EXOC5: variants seen among roughly 807,000 people sequenced by gnomAD.
The protein encoded by EXOC5 is exocyst complex component 5.
In EXOC5, 17 loss-of-function variants were observed where a neutral mutation model predicts 90.8. That is an observed-to-expected ratio of 0.19 (90% CI 0.13 to 0.28). The LOEUF (loss-of-function observed/expected upper bound fraction) is 0.28. EXOC5 is among the 10% of genes least tolerant of loss of function. The pLI, the probability that EXOC5 is intolerant of heterozygous loss-of-function variation, is 1.00. For missense variants in EXOC5, 569 were observed against 830.6 expected (o/e 0.69, Z 3.87); for synonymous variants, 260 against 270.0 (o/e 0.96, Z 0.36).
chr14:57,212,654 A>G (rs1178730058), intron 15 of EXOC5, among the ~76,000 whole-genome samples: 1 of 152,224 alleles, frequency 6.6e-6, no homozygotes, highest in Non-Finnish European at 1.5e-5. Context: ...TTCATCAGCA[A>G]CAACCCTGGC....
At chr14:57,212,580 T>C (rs993140522) in intron 15 of EXOC5, among the ~76,000 whole-genome samples, 5 of 152,216 alleles carry the variant, frequency 3.3e-5, no homozygotes, top group Non-Finnish European at 7.3e-5. Context: ...AGTGTCTTCT[T>C]GGGGCAGTAA....
chr14:57,256,657 C>T (rs1346941629), intron 1 of EXOC5, among the ~76,000 whole-genome samples: 1 of 152,186 alleles, frequency 6.6e-6, no homozygotes, highest in East Asian at 1.9e-4. Context: ...CTTGCTCTAA[C>T]TGCTAATAGT....
chr14:57,228,042 T>C (rs1366454353), intron 12 of EXOC5, among the ~76,000 whole-genome samples: 1 of 148,142 alleles, frequency 6.8e-6, no homozygotes, highest in Non-Finnish European at 1.5e-5. Flanking sequence ...ACACTTAAAA[T>C]GCTTAGAAGA....
chr14:57,223,260 C>T (rs1883209154), intron 12 of EXOC5, among the ~76,000 whole-genome samples: 1 of 152,020 alleles, frequency 6.6e-6, no homozygotes, highest in African/African-American at 2.4e-5. Context: ...AAAATAAAAT[C>T]CTTTTTTAAC....
chr14:57,234,416 G>T (rs143318392), intron 7 of EXOC5, among the ~76,000 whole-genome samples: 7 of 150,806 alleles, frequency 4.6e-5, no homozygotes, highest in South Asian at 2.1e-4. Context: ...CATACACAGA[G>T]AGTCAAGGTC....
At chr14:57,244,756 G>C (rs952713996) in intron 3 of EXOC5, among the ~76,000 whole-genome samples, 16 of 152,152 alleles carry the variant, frequency 1.1e-4, no homozygotes, top group African/African-American at 3.9e-4. Flanking sequence ...TATGTCAGTA[G>C]GAGGCCGAGG....
At chr14:57,243,045 A>T (rs1416473602) in intron 4 of EXOC5, among the ~76,000 whole-genome samples, 1 of 152,218 alleles carries the variant, frequency 6.6e-6, no homozygotes, top group Non-Finnish European at 1.5e-5. Context: ...GAGCTAAGCT[A>T]TGAGGACACA....
At chr14:57,239,884 G>A (rs1014540396) in intron 4 of EXOC5, among the ~76,000 whole-genome samples, 5 of 152,006 alleles carry the variant, frequency 3.3e-5, no homozygotes, top group African/African-American at 1.2e-4. Flanking sequence ...TAGCTTTCTG[G>A]TACTGAAATT....
At chr14:57,230,577 T>C (rs1268111499) in intron 11 of EXOC5, among the ~76,000 whole-genome samples, 3 of 152,112 alleles carry the variant, frequency 2.0e-5, no homozygotes, top group South Asian at 2.1e-4. Flanking sequence ...AAATGGGAAA[T>C]AAGAAAACTG....
At position 57,268,889 on chromosome 14, in the gene EXOC5, A is replaced by G; in HGVS notation, c.-241T>C. On this transcript the variant is annotated 5_prime_UTR_variant, in exon 1 of 18. Transcript: ENST00000621441. ...GCTGCTCCCATTGTCACCGCCTCAT[A>G]CGCCGGAAGTGGAACTGCGCGCGCC... The G allele has an allele frequency of 1.8e-6, 2 of 1,084,610 alleles. No homozygotes were observed. The highest frequency in any genetic ancestry group is 2.5e-6 in the Non-Finnish European group (2 of 799,386). 67.2% of individuals were successfully genotyped at this position (1,084,610 alleles called of 1,614,324 possible). A position where few individuals can be genotyped will look rare whatever the true frequency, so the allele number is the denominator to read the frequency against.
intron 10 of EXOC5, 30 bp from the exon 11 acceptor site, chr14:57,231,745 T>G (rs1396799086): frequency 7.1e-7 from 1 of 1,417,126 alleles, no homozygotes; most frequent in Non-Finnish European, 9.8e-7. Flanking sequence ...AGAAAAAGAT[T>G]AATATACATT....
At chr14:57,247,370 T>C (rs769924552) in intron 2 of EXOC5, among the ~76,000 whole-genome samples, 63 of 152,160 alleles carry the variant, frequency 4.1e-4, no homozygotes, top group Non-Finnish European at 8.4e-4. Context: ...TTATGACTCA[T>C]TAGAAGAAAT....
chr14:57,238,327 T>G (rs1883734437), intron 5 of EXOC5, among the ~76,000 whole-genome samples: 1 of 120,184 alleles, frequency 8.3e-6, no homozygotes, highest in African/African-American at 2.9e-5. Context: ...AGCCTTGGAG[T>G]TGAATATATA....
At position 57,246,814 on chromosome 14, in the gene EXOC5, A is replaced by G. The variant is rs757595421; in HGVS notation, c.167T>C (p.Met56Thr). The G allele has an allele frequency of 2.5e-6, 4 of 1,597,052 alleles. No individual in the cohort carries two copies. The highest frequency in any genetic ancestry group is 3.4e-6 in the Non-Finnish European group (4 of 1,168,924). The change falls in exon 3 of 18, where the codon ATG (methionine) becomes ACG (threonine). Residue 56 changes from methionine to threonine, a missense_variant. By Grantham distance (81) the Met-to-Thr change is moderately conservative. Coordinates refer to ENST00000621441, the MANE Select transcript of EXOC5 (RefSeq NM_006544.4). ...FVNHIQELQI[M>T]DERIQRKVEK... ...TACTTTCCTCTGAATCCTTTCATCCATTATCTGGAGTTCCTGAATATGATT... is the reference window on the plus strand; with the variant it reads ...TACTTTCCTCTGAATCCTTTCATCCGTTATCTGGAGTTCCTGAATATGATT...
intron 1 of EXOC5, among the ~76,000 whole-genome samples, chr14:57,266,764 A>G (rs1884682474): frequency 6.6e-6 from 1 of 150,570 alleles, no homozygotes; most frequent in South Asian, 2.1e-4. Context: ...AAACGTATAT[A>G]TATACTACTT....
chr14:57,217,258 T>A (rs917193725), intron 15 of EXOC5, among the ~76,000 whole-genome samples: 1 of 152,156 alleles, frequency 6.6e-6, no homozygotes, highest in Non-Finnish European at 1.5e-5. Context: ...TTTCTGAATA[T>A]CCAGGCATAC....
intron 6 of EXOC5, among the ~76,000 whole-genome samples, chr14:57,236,285 T>G (rs1883655850): frequency 6.7e-6 from 1 of 148,762 alleles, no homozygotes; most frequent in South Asian, 2.1e-4. Flanking sequence ...TTTTTTCATT[T>G]TCTTTTTTTT....
chr14:57,259,053 C>T (rs1171762409), intron 1 of EXOC5, among the ~76,000 whole-genome samples: 1 of 152,004 alleles, frequency 6.6e-6, no homozygotes, highest in Admixed American at 6.6e-5. Flanking sequence ...ACACTACCTC[C>T]TTTTAGTGAG....
chr14:57,233,155 T>C (rs1376574592), intron 9 of EXOC5: 1 of 155,756 alleles, frequency 6.4e-6, no homozygotes, highest in Admixed American at 6.5e-5. Flanking sequence ...CAGGGTTTCT[T>C]AGACAGTAAA....
Sources: gnomAD v4.1 joint callset for allele counts (sites outside exome capture counted in the v4.1 genomes callset) on GRCh38, gnomAD v4.1.1 for gene constraint, MANE v1.5 for transcripts, NCBI Gene and HGNC (gene_info 2026-07-23, HGNC 2026-07-21) for gene names.